C17orf78: variants seen among roughly 807,000 people sequenced by gnomAD.
C17orf78 encodes uncharacterized protein C17orf78.
In C17orf78, 27 loss-of-function variants were observed where a neutral mutation model predicts 31.8. That is an observed-to-expected ratio of 0.85 (90% confidence interval 0.63 to 1.17). The LOEUF (loss-of-function observed/expected upper bound fraction) is 1.17, where lower values mean the gene tolerates loss of function less well. C17orf78 is among the 50% of genes most tolerant of loss of function. C17orf78 has a pLI of 0.00. For synonymous variants in C17orf78, 106 were observed against 115.1 expected, an observed-to-expected ratio of 0.92 and a Z score of 0.51; for missense variants, 258 against 315.2, an observed-to-expected ratio of 0.82 and a Z score of 1.37.
At chr17:37,385,946 A>C in intron 3 of C17orf78, 63 bp from the exon 4 acceptor site, 1 of 1,165,584 alleles carries the variant, frequency 8.6e-7, no homozygotes, top group South Asian at 1.4e-5. Context: ...GTTTCATCAG[A>C]TAAAACCAAA....
At chr17:37,379,032 A>G (rs2050128718) in intron 2 of C17orf78, 105 bp from the exon 3 acceptor site, 1 of 1,340,154 alleles carries the variant, frequency 7.5e-7, no homozygotes, top group South Asian at 1.5e-5. Flanking sequence ...TGATTGCGAC[A>G]CTGCACTCCA....
chr17:37,388,678 G>A lies in C17orf78; in HGVS notation c.517G>A (p.Glu173Lys), dbSNP rs2050657689. ...TCCCCTCTCTCCTTTAGACACAGAT[G>A]AGAACCTAGAGAAGAGACAGAAATG... ...GEKTTSTDTDENLEKRQKWSI... is the reference protein window; with the variant it reads ...GEKTTSTDTDKNLEKRQKWSI... Residue 173 changes from glutamate to lysine, a missense_variant, in exon 5 of 7, where the codon GAG becomes AAG. Coordinates refer to ENST00000615133, the MANE Select transcript of C17orf78 (RefSeq NM_173625.5). 2 of 1,611,832 alleles carry A rather than the reference G, an allele frequency of 1.2e-6. No individual in the cohort carries two copies. Among genetic ancestry groups the A allele is most frequent in the Admixed American group, 1.7e-5 (1 of 59,754 alleles).
Position 37,392,216 on chromosome 17 carries a change from C to T in C17orf78, c.*492C>T, listed in dbSNP as rs370044531. ...AGCTTCTGGTACTACATGTATCTAT[C>T]CACACACTGCTGAAGGGAACTTGAC... On this transcript the variant is annotated 3_prime_UTR_variant, in exon 7 of 7. Coordinates refer to ENST00000615133, the MANE Select transcript of C17orf78 (RefSeq NM_173625.5). 3.3e-4 allele frequency: 52 copies of T among 158,640 alleles called. 1 individual carries two copies. The South Asian group carries it at 6.0e-3, about 18-fold the overall frequency. The allele number at this position is 158,640 out of a possible 1,614,324, so 9.8% of individuals were successfully genotyped here.
At chr17:37,390,175 T>TATATACACACAC (rs60788220) in intron 6 of C17orf78, among the ~76,000 whole-genome samples, 14 of 44,504 alleles carry the variant, frequency 3.1e-4, no homozygotes, top group South Asian at 1.2e-3. Context: ...TATATATATA[T>TATATACACACAC]ACACACACAC....
intron 3 of C17orf78, among the ~76,000 whole-genome samples, chr17:37,383,065 G>T (rs2050375298): frequency 6.6e-6 from 1 of 152,076 alleles, no homozygotes; most frequent in Non-Finnish European, 1.5e-5. Context: ...AAAGACTCTG[G>T]CAGGGTTTTG....
At chr17:37,391,301 C>A (rs2050874092) in intron 6 of C17orf78, among the ~76,000 whole-genome samples, 1 of 152,108 alleles carries the variant, frequency 6.6e-6, no homozygotes, top group South Asian at 2.1e-4. Context: ...TTACAGAAAT[C>A]CTGGAAAGTA....
At chr17:37,390,761 C>A (rs2050846960) in intron 6 of C17orf78, among the ~76,000 whole-genome samples, 2 of 150,630 alleles carry the variant, frequency 1.3e-5, no homozygotes, top group South Asian at 4.2e-4. Flanking sequence ...CCACTGCACT[C>A]CAGCCTGGGA....
At chr17:37,376,848 G>A (rs1247816547) in intron 1 of C17orf78, among the ~76,000 whole-genome samples, 1 of 152,062 alleles carries the variant, frequency 6.6e-6, no homozygotes, top group Non-Finnish European at 1.5e-5. Flanking sequence ...TCAGCTACTC[G>A]GGTGGCTGAG....
At chr17:37,385,131 T>C (rs11263747) in intron 3 of C17orf78, among the ~76,000 whole-genome samples, 35,766 of 151,908 alleles carry the variant, frequency 0.24, 4,462 homozygotes, top group Middle Eastern at 0.37. Flanking sequence ...CCTTCTACCC[T>C]TGCCCACCCC....
rs1714987 is a variant in C17orf78, at chr17:37,386,072, C to G, written c.455C>G (p.Thr152Ser). The G allele has an allele frequency of 0.21, 336,076 of 1,594,294 alleles. 40,578 individuals are homozygous for G. Among genetic ancestry groups the G allele is most frequent in the East Asian group, 0.55 (24,523 of 44,470 alleles). The change falls in exon 4 of 7, where the codon ACT becomes AGT. Residue 152 changes from threonine (T) to serine (S), a missense_variant. Physicochemically the swap from Thr to Ser is moderately conservative, Grantham distance 58 (BLOSUM62 1). Coordinates refer to ENST00000615133, the MANE Select transcript of C17orf78 (RefSeq NM_173625.5). ...LGASSETFPT[T>S]APSITPGNKE... is the part of the protein sequence containing the mutation. ...GCTTCATCAGAGACTTTTCCCACCA[C>G]TGCCCCTTCTATAACTCCTGGGAAT...
At chr17:37,390,228 TTA>T (rs1229124453) in intron 6 of C17orf78, among the ~76,000 whole-genome samples, 2 of 45,604 alleles carry the variant, frequency 4.4e-5, no homozygotes, top group Non-Finnish European at 6.4e-5. Context: ...TTATATATAA[TTA>T]TATATAATAT....
In C17orf78 at chr17:37,386,098, A is replaced by G; in HGVS notation, c.481A>G (p.Lys161Glu). ...TTAPSITPGN[K>E]EGEKTTSTDT... is the part of the protein sequence containing the mutation. ...TGCCCCTTCTATAACTCCTGGGAATAAAGAAGGAGAGAAAACTACAAGTAC... is the reference window on the plus strand; with the variant it reads ...TGCCCCTTCTATAACTCCTGGGAATGAAGAAGGAGAGAAAACTACAAGTAC... Residue 161 changes from lysine (K) to glutamate (E), a missense_variant, in exon 4 of 7, where the codon AAA (lysine) becomes GAA (glutamate). By Grantham distance (56) the Lys-to-Glu change is moderately conservative (BLOSUM62 1). Coordinates refer to ENST00000615133, the MANE Select transcript of C17orf78 (RefSeq NM_173625.5). 6.3e-7 allele frequency: 1 copy of G among 1,591,290 alleles called. No individual in the cohort carries two copies. Among genetic ancestry groups the G allele is most frequent in the Middle Eastern group, 1.7e-4 (1 of 6,028 alleles).
chr17:37,391,357 G>A (rs1230779961), intron 6 of C17orf78, among the ~76,000 whole-genome samples: 1 of 152,216 alleles, frequency 6.6e-6, no homozygotes, highest in Admixed American at 6.5e-5. Context: ...GTTGAGGCTT[G>A]AAGAGGTTAT....
chr17:37,380,478 G>A (rs980609886), intron 3 of C17orf78, among the ~76,000 whole-genome samples: 7 of 151,990 alleles, frequency 4.6e-5, no homozygotes, highest in Middle Eastern at 3.4e-3. Context: ...GCAAATCTAC[G>A]TGCTCTCTGA....
At chr17:37,391,581 C>G (rs2147812053) in intron 6 of C17orf78, 66 bp from the exon 7 acceptor site, 1 of 1,458,798 alleles carries the variant, frequency 6.9e-7, no homozygotes, top group Non-Finnish European at 9.6e-7. Flanking sequence ...CAGCCCTTTT[C>G]TTGGTACATG....
intron 3 of C17orf78, among the ~76,000 whole-genome samples, chr17:37,385,224 C>A (rs551838771): frequency 6.6e-6 from 1 of 152,238 alleles, no homozygotes; most frequent in African/African-American, 2.4e-5. Flanking sequence ...GTAACCCCAG[C>A]ACTTTGGGAG....
chr17:37,389,439 C>T (rs1220034565), intron 6 of C17orf78, 77 bp downstream of exon 6: 1 of 1,507,198 alleles, frequency 6.6e-7, no homozygotes, highest in African/African-American at 1.4e-5. Flanking sequence ...GCTCACACCT[C>T]TATTCCCAGC....
intron 1 of C17orf78, among the ~76,000 whole-genome samples, chr17:37,376,448 T>C (rs777858031): frequency 5.3e-5 from 8 of 152,190 alleles, no homozygotes; most frequent in Non-Finnish European, 7.3e-5. Context: ...AGTTTCAGTA[T>C]TGTCATCACC....
At chr17:37,384,658 C>T (rs543377213) in intron 3 of C17orf78, among the ~76,000 whole-genome samples, 3 of 151,444 alleles carry the variant, frequency 2.0e-5, no homozygotes, top group African/African-American at 7.2e-5. Context: ...GTTATCACTT[C>T]GAAGAACTGA....
Sources: allele counts gnomAD v4.1 joint callset (sites outside exome capture counted in the v4.1 genomes callset), GRCh38; gene constraint gnomAD v4.1.1; transcripts MANE v1.5; gene names NCBI Gene and HGNC (gene_info 2026-07-23, HGNC 2026-07-21).